The following CNTNAP5 variants were observed in gnomAD, a reference collection of about 807,000 sequenced individuals.
The protein encoded by CNTNAP5 is contactin-associated protein-like 5.
In CNTNAP5, 72 loss-of-function variants were observed where a neutral mutation model predicts 150.2. That is an observed-to-expected ratio of 0.48 (90% confidence interval 0.40 to 0.58). The LOEUF is 0.58. Among genes scored for constraint, CNTNAP5 ranks in the 20% least tolerant of loss-of-function variants. The pLI, the probability that CNTNAP5 is intolerant of heterozygous loss-of-function variation, is 0.00. For missense variants in CNTNAP5, 1,636 were observed against 1,626.2 expected (o/e 1.01, Z -0.10); for synonymous variants, 672 against 619.8 (o/e 1.08, Z -1.25).
intron 8 of CNTNAP5, among the ~76,000 whole-genome samples, chr2:124,510,267 A>ATATATCTATATATC (rs1558933181): frequency 4.9e-5 from 6 of 121,872 alleles, no homozygotes; most frequent in African/African-American, 2.2e-4. Context: ...CTATATATCT[A>ATATATCTATATATC]TATATCTATA....
chr2:124,385,995 T>C (rs542877057), intron 3 of CNTNAP5, among the ~76,000 whole-genome samples: 8 of 152,298 alleles, frequency 5.3e-5, no homozygotes, highest in African/African-American at 1.9e-4. Context: ...ACAACATCGA[T>C]GTTTGTTGAA....
intron 13 of CNTNAP5, among the ~76,000 whole-genome samples, chr2:124,704,181 A>T (rs1366903007): frequency 6.6e-6 from 1 of 152,164 alleles, no homozygotes; most frequent in Admixed American, 6.5e-5. Context: ...TTGCACTGGG[A>T]GTGGGGCGAC....
intron 1 of CNTNAP5, among the ~76,000 whole-genome samples, chr2:124,180,061 A>T (rs78199769): frequency 0.017 from 2,654 of 152,312 alleles, 98 homozygotes; most frequent in African/African-American, 0.061. Context: ...CACATTAAGG[A>T]TGTAAATATA....
At position 124,221,761 on chromosome 2, in the gene CNTNAP5, T is replaced by C; in HGVS notation, c.139T>C (p.Ser47Pro). 1 of 1,611,760 alleles carries C rather than the reference T, an allele frequency of 6.2e-7. No homozygotes were observed. The highest frequency in any genetic ancestry group is 8.5e-7 in the Non-Finnish European group (1 of 1,178,836). The change falls in exon 2 of 24, where the codon TCA (serine) becomes CCA (proline). Residue 47 changes from serine to proline, a missense_variant. Transcript: ENST00000682447. ...LLSPMAFSSS[S>P]DLTGTHSPAQ... ...CTCTCCAATGGCTTTTTCCAGTTCC[T>C]CAGACCTCACTGGCACTCACAGCCC...
chr2:124,736,571 G>T (rs535176511), intron 13 of CNTNAP5, among the ~76,000 whole-genome samples: 3 of 152,058 alleles, frequency 2.0e-5, no homozygotes, highest in Non-Finnish European at 4.4e-5. Context: ...ACTGTATGGT[G>T]GTCTCATTCT....
At chr2:124,768,088 G>A (rs978744572) in intron 16 of CNTNAP5, among the ~76,000 whole-genome samples, 1 of 152,200 alleles carries the variant, frequency 6.6e-6, no homozygotes, top group African/African-American at 2.4e-5. Context: ...ATGGGAAAGA[G>A]GGAAGAGTCT....
chr2:124,123,833 G>T (rs1002876034), intron 1 of CNTNAP5, among the ~76,000 whole-genome samples: 3 of 152,192 alleles, frequency 2.0e-5, no homozygotes, highest in Non-Finnish European at 2.9e-5. Flanking sequence ...CAGACCTGCA[G>T]CTGAGGGTTC....
chr2:124,296,788 C>A (rs556629771), intron 3 of CNTNAP5, among the ~76,000 whole-genome samples: 1 of 152,148 alleles, frequency 6.6e-6, no homozygotes, highest in South Asian at 2.1e-4. Context: ...AATGTATACA[C>A]ATATATATCC....
chr2:124,288,826 T>C (rs962884614), intron 3 of CNTNAP5, among the ~76,000 whole-genome samples: 8 of 152,174 alleles, frequency 5.3e-5, no homozygotes, highest in Non-Finnish European at 8.8e-5. Flanking sequence ...CTTCCTGGTT[T>C]GGTGTTCAAA....
chr2:124,680,259 G>A (rs1679036043), intron 13 of CNTNAP5, among the ~76,000 whole-genome samples: 1 of 151,888 alleles, frequency 6.6e-6, no homozygotes, highest in African/African-American at 2.4e-5. Flanking sequence ...TCCTTTGGAA[G>A]TTTCCATGGT....
chr2:124,592,655 T>G (rs1409340852), intron 11 of CNTNAP5, among the ~76,000 whole-genome samples: 1 of 151,984 alleles, frequency 6.6e-6, no homozygotes, highest in Non-Finnish European at 1.5e-5. Flanking sequence ...GAAAAGGCCT[T>G]TCCCCTATAA....
chr2:124,446,153 T>C (rs1398667770), intron 5 of CNTNAP5, among the ~76,000 whole-genome samples: 1 of 152,166 alleles, frequency 6.6e-6, no homozygotes. Context: ...ACCTGAGGCA[T>C]GCATGTCTCA....
chr2:124,828,518 T>A (rs1682645719), intron 19 of CNTNAP5, among the ~76,000 whole-genome samples: 1 of 151,542 alleles, frequency 6.6e-6, no homozygotes, highest in Non-Finnish European at 1.5e-5. Flanking sequence ...CATAAGTTAT[T>A]AAGGATGAAT....
chr2:124,307,951 G>A (rs951677152), intron 3 of CNTNAP5, among the ~76,000 whole-genome samples: 8 of 152,188 alleles, frequency 5.3e-5, no homozygotes, highest in Non-Finnish European at 5.9e-5. Context: ...CAAAGCTGGC[G>A]GGTCATTCAC....
intron 1 of CNTNAP5, among the ~76,000 whole-genome samples, chr2:124,176,842 G>GTT (rs71394026): frequency 3.4e-4 from 41 of 119,880 alleles, no homozygotes; most frequent in African/African-American, 9.1e-4. Context: ...GTTATTGCTG[G>GTT]TTTTTTTTTT....
At chr2:124,893,017 G>GAAGGTTAAT (rs1252058156) in intron 21 of CNTNAP5, among the ~76,000 whole-genome samples, 3 of 152,098 alleles carry the variant, frequency 2.0e-5, no homozygotes, top group African/African-American at 7.2e-5. Flanking sequence ...GTTTGCTGAA[G>GAAGGTTAAT]AAGGTTAATA....
At chr2:124,527,557 C>A (rs1171738833) in intron 10 of CNTNAP5, 101 bp downstream of exon 10, 67 of 885,786 alleles carry the variant, frequency 7.6e-5, no homozygotes, top group Non-Finnish European at 1.3e-5. Flanking sequence ...CCGACATTAG[C>A]CACATTAGAC....
chr2:124,350,001 C>T (rs12478323), intron 3 of CNTNAP5, among the ~76,000 whole-genome samples: 43,983 of 148,348 alleles, frequency 0.3, 6,424 homozygotes, highest in Middle Eastern at 0.39. Flanking sequence ...TCTCCTGCCT[C>T]AGCCTTCCAA....
chr2:124,408,127 G>A (rs1459886927), intron 3 of CNTNAP5, among the ~76,000 whole-genome samples: 1 of 152,196 alleles, frequency 6.6e-6, no homozygotes, highest in Non-Finnish European at 1.5e-5. Context: ...GTGACGGAAG[G>A]CACCTGGAAA....
Sources: gnomAD v4.1 joint callset for allele counts (sites outside exome capture counted in the v4.1 genomes callset) on GRCh38, gnomAD v4.1.1 for gene constraint, MANE v1.5 for transcripts, NCBI Gene and HGNC (gene_info 2026-07-23, HGNC 2026-07-21) for gene names.